The following GCNT1 variants were observed in gnomAD, a reference collection of about 807,000 sequenced individuals.
GCNT1 encodes the protein glucosaminyl (N-acetyl) transferase 1.
A neutral mutation model predicts 26.2 loss-of-function variants in GCNT1; 16 were observed. That is an observed-to-expected ratio of 0.61 (90% CI 0.41 to 0.93). The LOEUF is 0.93. Among genes scored for constraint, GCNT1 ranks in the 40% least tolerant of loss-of-function variants. GCNT1 has a pLI of 0.00. For synonymous variants in GCNT1, 183 were observed against 190.8 expected (o/e 0.96, Z 0.34); for missense variants, 477 against 526.7 (o/e 0.91, Z 0.92).
At chr9:76,449,692 A>T (rs1248841854) in intron 1 of GCNT1, among the ~76,000 whole-genome samples, 1 of 152,228 alleles carries the variant, frequency 6.6e-6, no homozygotes, top group Non-Finnish European at 1.5e-5. Flanking sequence ...AAAATGCTGT[A>T]TAAGCTCCTG....
At chr9:76,457,876 C>A (rs1189946143), upstream of GCNT1, among the ~76,000 whole-genome samples, 1 of 152,138 alleles carries the variant, frequency 6.6e-6, no homozygotes, top group Non-Finnish European at 1.5e-5. Context: ...ATCATTTCCT[C>A]TCCCCTAAAT....
At chr9:76,499,677 AC>A (rs1825009703) in intron 2 of GCNT1, among the ~76,000 whole-genome samples, 1 of 152,210 alleles carries the variant, frequency 6.6e-6, no homozygotes, top group Admixed American at 6.5e-5. Flanking sequence ...ATATTAATAG[AC>A]TATTTTTAGA....
intron 1 of GCNT1, among the ~76,000 whole-genome samples, chr9:76,453,885 G>A (rs1398834987): frequency 6.6e-6 from 1 of 152,018 alleles, no homozygotes; most frequent in Non-Finnish European, 1.5e-5. Flanking sequence ...ACAGCAATGA[G>A]AACTGTCAAA....
rs1471189349 is a variant in GCNT1 at position 76,506,103 on chromosome 9, GAATC to G, written c.*2438_*2441del. ...ATGATGCTGTGACAAGAAATTTAAA[GAATC>G]AAAACGATGGTTTGAAAAGGAAACC... is the stretch of plus-strand genomic sequence containing the variant. On this transcript the variant is annotated 3_prime_UTR_variant, in exon 4 of 4. Transcript: ENST00000376730. 6.0e-6 allele frequency: 1 copy of G among 166,918 alleles called. No individual in the cohort carries two copies. Among genetic ancestry groups the G allele is most frequent in the African/African-American group, 2.4e-5 (1 of 41,420 alleles). 10.3% of individuals were successfully genotyped at this position (166,918 alleles called of 1,614,324 possible). A position where few individuals can be genotyped will look rare whatever the true frequency, so the allele number is the denominator to read the frequency against.
chr9:76,460,252 C>G (rs1823842527), intron 2 of GCNT1, 75 bp downstream of exon 2: 1 of 152,292 alleles, frequency 6.6e-6, no homozygotes, highest in African/African-American at 2.4e-5. Context: ...CTTGTTATTT[C>G]TTTCTGCAGA....
At chr9:76,421,106 A>G (rs890975149) in intron 1 of GCNT1, among the ~76,000 whole-genome samples, 2 of 152,146 alleles carry the variant, frequency 1.3e-5, no homozygotes, top group Non-Finnish European at 2.9e-5. Context: ...GCAAGTGGAA[A>G]AATAGGGGAT....
intron 2 of GCNT1, among the ~76,000 whole-genome samples, chr9:76,490,365 C>T (rs1002621156): frequency 1.3e-5 from 2 of 152,022 alleles, no homozygotes; most frequent in Non-Finnish European, 1.5e-5. Context: ...ATGAGAAATC[C>T]TTTGAGAGTG....
Position 76,503,274 on chromosome 9 carries a change from A to G in GCNT1, c.893A>G (p.Tyr298Cys). The change falls in exon 4 of 4, where the codon TAT becomes TGT. Residue 298 changes from tyrosine to cysteine, a missense_variant. Tyr to Cys is a radical substitution (Grantham distance 194). Transcript: ENST00000376730. ...YFVVSREYVGYVLQNEKIQKL... is the reference protein window; with the variant it reads ...YFVVSREYVGCVLQNEKIQKL... The stretch of plus-strand genomic sequence containing the variant: ...GTGGTCAGTAGGGAGTATGTGGGGT[A>G]TGTACTACAGAATGAAAAAATCCAA... The G allele has an allele frequency of 2.5e-6, 4 of 1,614,136 alleles. No homozygotes were observed. Among genetic ancestry groups the G allele is most frequent in the African/African-American group, 1.3e-5 (1 of 75,018 alleles).
intron 2 of GCNT1, among the ~76,000 whole-genome samples, chr9:76,461,050 C>A (rs1380179258): frequency 6.6e-6 from 1 of 152,174 alleles, no homozygotes; most frequent in East Asian, 1.9e-4. Flanking sequence ...TCCACTTTAT[C>A]CACATGGACT....
At chr9:76,409,062 A>G in the GCNT1 span, among the ~76,000 whole-genome samples, 1 of 152,180 alleles carries the variant, frequency 6.6e-6, no homozygotes, top group Non-Finnish European at 1.5e-5. Flanking sequence ...AGAAGAATTC[A>G]CTGGTGAATT....
intron 1 of GCNT1, among the ~76,000 whole-genome samples, chr9:76,425,588 C>G (rs1587404575): frequency 1.3e-5 from 2 of 152,046 alleles, no homozygotes; most frequent in East Asian, 1.9e-4. Flanking sequence ...ATGTAACAGC[C>G]CAGTGGGTTC....
intron 2 of GCNT1, among the ~76,000 whole-genome samples, chr9:76,488,445 C>T (rs72747365): frequency 0.082 from 12,530 of 152,052 alleles, 573 homozygotes; most frequent in Middle Eastern, 0.17. Flanking sequence ...TTGCTTAACT[C>T]GCTGTGAGTG....
chr9:76,493,243 A>G (rs924921144), intron 2 of GCNT1, among the ~76,000 whole-genome samples: 1 of 151,244 alleles, frequency 6.6e-6, no homozygotes, highest in Admixed American at 6.6e-5. Flanking sequence ...GGATCCATAC[A>G]GGGGATGGCT....
chr9:76,398,085 C>T, the GCNT1 span, among the ~76,000 whole-genome samples: 6 of 152,268 alleles, frequency 3.9e-5, no homozygotes, highest in African/African-American at 1.4e-4. Context: ...CACATCCTTT[C>T]AGCTGCCTGT....
In GCNT1 at chr9:76,444,452, G is replaced by A. The variant is rs540964987; in HGVS notation, c.-290+2137G>A. ...AAACTGAAGGCTGACAAAGAGTGAC[G>A]AGAACAAAACCATGAGGATTAAGAG... On this transcript the variant is annotated intron_variant, in intron 1 of 2. Coordinates refer to the GCNT1 transcript ENST00000442371. Among the ~76,000 whole-genome samples the A allele has an allele frequency of 1.6e-4, 25 of 152,258 alleles. No homozygotes were observed. In the Middle Eastern group the frequency reaches 0.014, roughly 83 times the overall value.
upstream of GCNT1, among the ~76,000 whole-genome samples, chr9:76,418,448 G>C (rs1481423194): frequency 2.0e-5 from 3 of 152,190 alleles, no homozygotes; most frequent in Non-Finnish European, 4.4e-5. Context: ...GCTTGCACCA[G>C]GTTTTCAGGT....
chr9:76,430,387 AC>A (rs1823320395), intron 1 of GCNT1, among the ~76,000 whole-genome samples: 1 of 150,648 alleles, frequency 6.6e-6, no homozygotes, highest in African/African-American at 2.4e-5. Context: ...TTGACAGAAC[AC>A]TCATTTTTTT....
chr9:76,480,330 C>T (rs949055701), intron 2 of GCNT1, among the ~76,000 whole-genome samples: 2 of 151,972 alleles, frequency 1.3e-5, no homozygotes, highest in African/African-American at 2.4e-5. Context: ...ATTGACTTGG[C>T]AATGCGGGCT....
At chr9:76,467,426 T>C (rs1194942284) in intron 2 of GCNT1, among the ~76,000 whole-genome samples, 3 of 151,654 alleles carry the variant, frequency 2.0e-5, no homozygotes, top group Admixed American at 2.0e-4. Context: ...TTCCACATCA[T>C]GCAGGTTCAT....
Sources: gnomAD v4.1 joint callset for allele counts (sites outside exome capture counted in the v4.1 genomes callset) on GRCh38, gnomAD v4.1.1 for gene constraint, MANE v1.5 for transcripts, NCBI Gene and HGNC (gene_info 2026-07-23, HGNC 2026-07-21) for gene names.